KCNAB1: variants seen among roughly 807,000 people sequenced by gnomAD.
KCNAB1 encodes the protein potassium voltage-gated channel subfamily A regulatory beta subunit 1, also known as voltage-gated potassium channel subunit beta-1.
Under a neutral mutation model 64.6 loss-of-function variants are expected in KCNAB1, and 35 were observed. That is an observed-to-expected ratio of 0.54 (90% CI 0.41 to 0.72). The LOEUF is 0.72. Among genes scored for constraint, KCNAB1 ranks in the 30% least tolerant of loss-of-function variants. The pLI, the probability that KCNAB1 is intolerant of heterozygous loss-of-function variation, is 0.00. For synonymous variants in KCNAB1, 177 were observed against 183.8 expected (o/e 0.96, Z 0.30); for missense variants, 401 against 512.9 (o/e 0.78, Z 2.11).
rs549758142 is a variant in KCNAB1, at chr3:156,517,897, A to T, written c.960+1533A>T. 4.6e-5 allele frequency among the ~76,000 whole-genome samples: 7 copies of T among 152,368 alleles called. No individual in the cohort carries two copies. The East Asian group carries it at 1.4e-3, about 29-fold the overall frequency. On this transcript the variant is annotated intron_variant, in intron 11 of 13. Coordinates refer to ENST00000490337, the MANE Select transcript of KCNAB1 (RefSeq NM_172160.3). ...ATCCAAGACCATAAACTCGTAACAG[A>T]AAAGGCTGATATTAGAACCCAGGTC...
intron 2 of KCNAB1, among the ~76,000 whole-genome samples, chr3:156,430,624 T>C (rs966557643): frequency 4.6e-5 from 7 of 152,112 alleles, no homozygotes; most frequent in East Asian, 1.9e-4. Context: ...CGATATGTCT[T>C]GTTCAAGGCC....
intron 1 of KCNAB1, among the ~76,000 whole-genome samples, chr3:156,222,585 G>C (rs1715852279): frequency 6.6e-6 from 1 of 152,094 alleles, no homozygotes; most frequent in Non-Finnish European, 1.5e-5. Context: ...TGACTCAACA[G>C]ATATATTTAT....
chr3:156,411,918 T>A (rs1291553132), intron 1 of KCNAB1, among the ~76,000 whole-genome samples: 1 of 152,212 alleles, frequency 6.6e-6, no homozygotes, highest in Admixed American at 6.5e-5. Flanking sequence ...TACAGAGCAT[T>A]TTGCTAGGAT....
chr3:156,485,389 A>G (rs2108340479), intron 8 of KCNAB1, among the ~76,000 whole-genome samples: 1 of 152,248 alleles, frequency 6.6e-6, no homozygotes, highest in South Asian at 2.1e-4. Flanking sequence ...TGCCATTGTG[A>G]CATTTCATTC....
chr3:156,187,927 G>T (rs1030940965), intron 1 of KCNAB1, among the ~76,000 whole-genome samples: 6 of 152,094 alleles, frequency 3.9e-5, no homozygotes, highest in African/African-American at 1.4e-4. Flanking sequence ...TCACTCCTTT[G>T]TACTTCACAA....
At chr3:156,128,858 A>T (rs769852789) in intron 1 of KCNAB1, among the ~76,000 whole-genome samples, 21 of 152,242 alleles carry the variant, frequency 1.4e-4, no homozygotes, top group Non-Finnish European at 4.4e-5. Context: ...CATGGCTATG[A>T]GAGCAGGGCG....
At chr3:156,256,953 CTA>C (rs1218001001) in intron 1 of KCNAB1, among the ~76,000 whole-genome samples, 1 of 152,198 alleles carries the variant, frequency 6.6e-6, no homozygotes, top group Non-Finnish European at 1.5e-5. Flanking sequence ...ACAGAGCTCT[CTA>C]TGTGTCTGGG....
chr3:156,530,573 A>C (rs1348071126), intron 12 of KCNAB1, among the ~76,000 whole-genome samples: 1 of 152,184 alleles, frequency 6.6e-6, no homozygotes, highest in African/African-American at 2.4e-5. Flanking sequence ...CCAGACCATG[A>C]ACTGTGAGAT....
At chr3:156,433,725 A>G (rs147827726) in intron 2 of KCNAB1, among the ~76,000 whole-genome samples, 2 of 152,340 alleles carry the variant, frequency 1.3e-5, no homozygotes, top group African/African-American at 4.8e-5. Context: ...GACAAGGGAA[A>G]GAAAGCCACA....
intron 1 of KCNAB1, among the ~76,000 whole-genome samples, chr3:156,343,973 T>G (rs1160757992): frequency 6.6e-6 from 1 of 152,196 alleles, no homozygotes; most frequent in Non-Finnish European, 1.5e-5. Context: ...GTTACTTTCC[T>G]ATTCAGTAAT....
intron 1 of KCNAB1, among the ~76,000 whole-genome samples, chr3:156,207,110 C>T (rs1022591909): frequency 2.1e-4 from 32 of 152,206 alleles, no homozygotes; most frequent in African/African-American, 7.0e-4. Context: ...CTCTTTGCTT[C>T]TCTACCCTGC....
At chr3:156,218,801 A>AAAAAAAAAAATAAT (rs371264941) in intron 1 of KCNAB1, among the ~76,000 whole-genome samples, 49 of 112,204 alleles carry the variant, frequency 4.4e-4, no homozygotes, top group East Asian at 1.1e-3. Context: ...AAAAAAAAAA[A>AAAAAAAAAAATAAT]AATAATAATA....
chr3:156,413,818 C>G (rs1201354794), intron 1 of KCNAB1, among the ~76,000 whole-genome samples: 2 of 152,202 alleles, frequency 1.3e-5, no homozygotes, highest in African/African-American at 4.8e-5. Context: ...TATGCAGACA[C>G]CTTAGACACA....
chr3:156,399,154 T>C (rs755976418), intron 1 of KCNAB1, among the ~76,000 whole-genome samples: 33 of 152,190 alleles, frequency 2.2e-4, no homozygotes, highest in Non-Finnish European at 4.1e-4. Context: ...GCAGCCTTCA[T>C]TTTCCCCTCA....
intron 1 of KCNAB1, among the ~76,000 whole-genome samples, chr3:156,197,653 T>C (rs1187983231): frequency 2.6e-5 from 4 of 152,220 alleles, no homozygotes; most frequent in Admixed American, 1.3e-4. Context: ...ATCCCCTTTA[T>C]CATTTTTTAT....
intron 1 of KCNAB1, among the ~76,000 whole-genome samples, chr3:156,122,842 G>A (rs901264073): frequency 5.3e-5 from 8 of 152,170 alleles, no homozygotes; most frequent in Non-Finnish European, 1.0e-4. Context: ...AGAGTTCAAT[G>A]TTTGCAATAG....
intron 1 of KCNAB1, among the ~76,000 whole-genome samples, chr3:156,212,203 A>G (rs1248143830): frequency 1.3e-5 from 2 of 152,142 alleles, no homozygotes; most frequent in Non-Finnish European, 2.9e-5. Context: ...CTGTGTGCAG[A>G]CCAGGGAAGA....
rs1219678341 is a variant in KCNAB1 at position 156,476,508 on chromosome 3, CAT to C, written c.658+1702_658+1703del. Among the ~76,000 whole-genome samples the C allele has an allele frequency of 5.5e-3, 716 of 130,784 alleles. 3 individuals are homozygous for C. The highest frequency in any genetic ancestry group is 0.019 in the African/African-American group (584 of 30,978). The allele number at this position is 130,784 out of a possible 152,430, so 85.8% of individuals were successfully genotyped here. A position where few individuals can be genotyped will look rare whatever the true frequency, so the allele number is the denominator to read the frequency against. ...TTTTTATGGCTGAGTAGTATTCCAT[CAT>C]ATATATATATATACACACACACACA... On this transcript the variant is annotated intron_variant, in intron 8 of 13. Coordinates refer to ENST00000490337, the MANE Select transcript of KCNAB1 (RefSeq NM_172160.3).
intron 1 of KCNAB1, among the ~76,000 whole-genome samples, chr3:156,130,143 A>G (rs1713904923): frequency 6.6e-6 from 1 of 152,224 alleles, no homozygotes. Flanking sequence ...TAGGATTTTA[A>G]AGATTAGATC....
Sources: allele counts gnomAD v4.1 joint callset (sites outside exome capture counted in the v4.1 genomes callset), GRCh38; gene constraint gnomAD v4.1.1; transcripts MANE v1.5; gene names NCBI Gene and HGNC (gene_info 2026-07-23, HGNC 2026-07-21).